Variants in NLGN1 observed in about 807,000 individuals in gnomAD.
NLGN1 encodes the protein neuroligin 1.
Under a neutral mutation model 65.5 loss-of-function variants are expected in NLGN1, and 12 were observed. The observed-to-expected ratio is 0.18, with a 90% confidence interval of 0.12 to 0.30. NLGN1 has a LOEUF of 0.30. NLGN1 is among the 10% of genes least tolerant of loss of function. The probability of loss-of-function intolerance (pLI) is 1.00; values close to 1 mark genes in which losing one functional copy is unlikely to be tolerated. For missense variants in NLGN1, 750 were observed against 1,007.1 expected, an observed-to-expected ratio of 0.74 and a Z score of 3.46; for synonymous variants, 350 against 359.5, an observed-to-expected ratio of 0.97 and a Z score of 0.30.
intron 4 of NLGN1, among the ~76,000 whole-genome samples, chr3:174,269,835 T>G (rs753119921): frequency 4.6e-5 from 7 of 151,876 alleles, no homozygotes; most frequent in Admixed American, 2.0e-4. Context: ...CTACATCCTT[T>G]CCTATTTTGT....
intron 4 of NLGN1, among the ~76,000 whole-genome samples, chr3:173,860,134 ATTTAT>A (rs1322864696): frequency 6.6e-6 from 1 of 151,390 alleles, no homozygotes; most frequent in Admixed American, 6.6e-5. Context: ...CATATTTGAA[ATTTAT>A]TTTAAGAACC....
chr3:173,431,018 A>T (rs990478380), intron 1 of NLGN1, among the ~76,000 whole-genome samples: 2 of 152,200 alleles, frequency 1.3e-5, no homozygotes, highest in African/African-American at 4.8e-5. Flanking sequence ...TACCTAGCTA[A>T]CTTTTAATTA....
At chr3:173,547,582 T>C (rs145824005) in intron 2 of NLGN1, among the ~76,000 whole-genome samples, 1 of 152,188 alleles carries the variant, frequency 6.6e-6, no homozygotes, top group Non-Finnish European at 1.5e-5. Context: ...ACACTGATGC[T>C]TCTTTGTTGA....
At chr3:173,597,494 G>A (rs1055390530) in intron 2 of NLGN1, among the ~76,000 whole-genome samples, 1 of 152,024 alleles carries the variant, frequency 6.6e-6, no homozygotes, top group Non-Finnish European at 1.5e-5. Flanking sequence ...AACTGAACGT[G>A]GAATTAAGAT....
At chr3:173,449,434 G>T (rs1433875681) in intron 2 of NLGN1, among the ~76,000 whole-genome samples, 2 of 152,216 alleles carry the variant, frequency 1.3e-5, no homozygotes, top group East Asian at 3.9e-4. Flanking sequence ...GAGACAGTTT[G>T]TTATAATTTC....
chr3:173,562,684 T>G (rs1409815952), intron 2 of NLGN1, among the ~76,000 whole-genome samples: 1 of 152,204 alleles, frequency 6.6e-6, no homozygotes, highest in African/African-American at 2.4e-5. Context: ...TTCCATAGTC[T>G]TCTTGGTTGG....
chr3:173,564,042 A>T (rs1743226112), intron 2 of NLGN1, among the ~76,000 whole-genome samples: 1 of 152,236 alleles, frequency 6.6e-6, no homozygotes, highest in South Asian at 2.1e-4. Context: ...ACTACCTGTC[A>T]GTGCCGTCTC....
At chr3:174,265,027 G>A (rs1747759277) in intron 4 of NLGN1, among the ~76,000 whole-genome samples, 1 of 152,160 alleles carries the variant, frequency 6.6e-6, no homozygotes, top group Admixed American at 6.5e-5. Flanking sequence ...ACTTGAGGCA[G>A]TCTGCCCGTT....
chr3:173,740,955 GA>G (rs1284848755), intron 3 of NLGN1, among the ~76,000 whole-genome samples: 1 of 152,044 alleles, frequency 6.6e-6, no homozygotes, highest in Non-Finnish European at 1.5e-5. Context: ...AAAGCCTACA[GA>G]AAAAACAGCT....
At chr3:174,012,531 G>T (rs1342173324) in intron 4 of NLGN1, among the ~76,000 whole-genome samples, 2 of 151,988 alleles carry the variant, frequency 1.3e-5, no homozygotes, top group African/African-American at 2.4e-5. Flanking sequence ...CTATCTGAAG[G>T]GTACCTATTA....
chr3:173,907,267 A>C (rs1324479281), intron 4 of NLGN1, among the ~76,000 whole-genome samples: 3 of 151,502 alleles, frequency 2.0e-5, no homozygotes, highest in Non-Finnish European at 4.4e-5. Context: ...TTCCTCAGCA[A>C]CTCCTTGTTA....
At chr3:173,453,382 G>T (rs988963486) in intron 2 of NLGN1, among the ~76,000 whole-genome samples, 1 of 143,726 alleles carries the variant, frequency 7.0e-6, no homozygotes. Flanking sequence ...GGGATTGGTA[G>T]TTTTTTTTTT....
At chr3:173,980,825 A>G (rs1718620397) in intron 4 of NLGN1, among the ~76,000 whole-genome samples, 1 of 152,108 alleles carries the variant, frequency 6.6e-6, no homozygotes, top group Non-Finnish European at 1.5e-5. Context: ...AAATTTGAGT[A>G]CTATGATTGA....
chr3:174,287,497 T>C (rs1183430699), downstream of NLGN1, among the ~76,000 whole-genome samples: 2 of 151,616 alleles, frequency 1.3e-5, no homozygotes, highest in East Asian at 3.9e-4. Flanking sequence ...TGGTGTTGTT[T>C]GATATGATTA....
chr3:174,275,328 AG>A lies in NLGN1; in HGVS notation c.662del (p.Gly221AlafsTer18). ...TATATTTTTCAGGTTTCTTGAGTAC[AG>A]GCGATCAGGCTGCAAAGGGGAACTA... On this transcript the variant is annotated frameshift_variant, in exon 5 of 7. Coordinates refer to ENST00000457714, the Ensembl canonical transcript of NLGN1. LOFTEE classifies it high-confidence loss of function. 1 of 1,611,956 alleles carries A rather than the reference AG, an allele frequency of 6.2e-7. No individual in the cohort carries two copies. The highest frequency in any genetic ancestry group is 8.5e-7 in the Non-Finnish European group (1 of 1,178,464).
intron 3 of NLGN1, among the ~76,000 whole-genome samples, chr3:173,717,849 C>A (rs1209720562): frequency 6.6e-6 from 1 of 151,812 alleles, no homozygotes; most frequent in African/African-American, 2.4e-5. Flanking sequence ...CTACTATGTA[C>A]CCCCAAAAAT....
chr3:173,456,512 G>A (rs1014357211), intron 2 of NLGN1, among the ~76,000 whole-genome samples: 4 of 152,268 alleles, frequency 2.6e-5, no homozygotes, highest in East Asian at 1.9e-4. Flanking sequence ...TTAAATAAGT[G>A]TAATGTGTTT....
chr3:174,241,885 C>T (rs1463624980), intron 4 of NLGN1, among the ~76,000 whole-genome samples: 1 of 152,100 alleles, frequency 6.6e-6, no homozygotes, highest in Admixed American at 6.5e-5. Context: ...GTCTCGATCT[C>T]CTGACCTCGT....
At chr3:174,277,836 CATT>C (rs1426011154) in intron 5 of NLGN1, among the ~76,000 whole-genome samples, 1 of 151,606 alleles carries the variant, frequency 6.6e-6, no homozygotes, top group Non-Finnish European at 1.5e-5. Flanking sequence ...GTTTTTATCT[CATT>C]AATACATATG....
Sources: allele counts gnomAD v4.1 joint callset (sites outside exome capture counted in the v4.1 genomes callset), GRCh38; gene constraint gnomAD v4.1.1; transcripts MANE v1.5; gene names NCBI Gene and HGNC (gene_info 2026-07-23, HGNC 2026-07-21).